TSPAN16: variants seen among roughly 807,000 people sequenced by gnomAD.
The protein encoded by TSPAN16 is tetraspanin 16.
In TSPAN16, 23 loss-of-function variants were observed where a neutral mutation model predicts 25.2. That is an observed-to-expected ratio of 0.91 (90% CI 0.66 to 1.29). The LOEUF is 1.29. Among genes scored for constraint, TSPAN16 ranks in the 50% most tolerant of loss-of-function variants. TSPAN16 has a pLI of 0.00. For synonymous variants in TSPAN16, 123 were observed against 124.4 expected, an observed-to-expected ratio of 0.99 and a Z score of 0.08; for missense variants, 272 against 299.9, an observed-to-expected ratio of 0.91 and a Z score of 0.69.
rs2080744188 is a variant in TSPAN16 at position 11,315,839 on chromosome 19, C to T, written c.*1C>T. ...GCTGCTGTTTATCAAGCTGGGCTGA[C>T]ACCCAGGCCTGGAGAAGATGAGACA... On this transcript the variant is annotated 3_prime_UTR_variant, in exon 7 of 7. Transcript: ENST00000590327. 1.6e-6 allele frequency: 2 copies of T among 1,231,944 alleles called. No individual in the cohort carries two copies. The highest frequency in any genetic ancestry group is 4.1e-5 in the South Asian group (1 of 24,310). 76.3% of individuals were successfully genotyped at this position (1,231,944 alleles called of 1,614,324 possible).
chr19:11,312,621 C>T (rs757355113), intron 6 of TSPAN16, among the ~76,000 whole-genome samples: 5 of 151,662 alleles, frequency 3.3e-5, no homozygotes, highest in Non-Finnish European at 5.9e-5. Flanking sequence ...GAAAATTATC[C>T]AGGTGTGGTG....
intron 4 of TSPAN16, among the ~76,000 whole-genome samples, chr19:11,303,376 G>A (rs375942585): frequency 1.0e-3 from 152 of 146,882 alleles, no homozygotes; most frequent in African/African-American, 3.2e-3. Context: ...GTTAAGAGTC[G>A]TCACCACTCC....
Position 11,315,788 on chromosome 19 carries a change from C to T in TSPAN16, c.688-3C>T. On this transcript the variant is annotated splice_region_variant and splice_polypyrimidine_tract_variant and intron_variant, in intron 6 of 6. Transcript: ENST00000590327. ...TCCATGTTTCTTTCTTCACGCATTTCAGTTGCCAGGAATTCTTGCCACTTT... is the reference window on the plus strand; with the variant it reads ...TCCATGTTTCTTTCTTCACGCATTTTAGTTGCCAGGAATTCTTGCCACTTT... The T allele has an allele frequency of 8.1e-7, 1 of 1,231,906 alleles. No individual in the cohort carries two copies. Among genetic ancestry groups the T allele is most frequent in the Non-Finnish European group, 1.0e-6 (1 of 987,830 alleles). The allele number at this position is 1,231,906 out of a possible 1,614,324, so 76.3% of individuals were successfully genotyped here. A position where few individuals can be genotyped will look rare whatever the true frequency, so the allele number is the denominator to read the frequency against.
At chr19:11,323,578 G>C (rs771375377) in intron 6 of TSPAN16, 4 of 152,000 alleles carry the variant, frequency 2.6e-5, no homozygotes, top group Non-Finnish European at 5.9e-5. Context: ...GCAATAGAGC[G>C]AGACTCTGTA....
chr19:11,317,714 C>T (rs1238138933), downstream of TSPAN16, among the ~76,000 whole-genome samples: 2 of 151,106 alleles, frequency 1.3e-5, no homozygotes, highest in African/African-American at 4.9e-5. Context: ...AGGATTGTCT[C>T]GAACTCCTGA....
At chr19:11,315,235 C>CAATAAT (rs58115943) in intron 6 of TSPAN16, among the ~76,000 whole-genome samples, 10,939 of 124,554 alleles carry the variant, frequency 0.088, 582 homozygotes, top group African/African-American at 0.14. Context: ...GACTCCTTCT[C>CAATAAT]AATAATAATA....
chr19:11,301,174 C>A, intron 3 of TSPAN16, 27 bp from the exon 4 acceptor site: 1 of 1,597,144 alleles, frequency 6.3e-7, no homozygotes, highest in Non-Finnish European at 8.6e-7. Context: ...AGTTGGGGTA[C>A]TGATCACTTC....
chr19:11,309,486 C>T (rs568485539), intron 5 of TSPAN16, among the ~76,000 whole-genome samples: 1 of 152,242 alleles, frequency 6.6e-6, no homozygotes, highest in Non-Finnish European at 1.5e-5. Flanking sequence ...GCCTCACCGC[C>T]TTTGCACAGG....
intron 6 of TSPAN16, among the ~76,000 whole-genome samples, chr19:11,313,665 C>A (rs1366389335): frequency 6.6e-6 from 1 of 152,036 alleles, no homozygotes; most frequent in Admixed American, 6.6e-5. Flanking sequence ...TACCACCCAT[C>A]ATTAATTAGG....
At chr19:11,300,330 C>T (rs2147936370) in intron 3 of TSPAN16, among the ~76,000 whole-genome samples, 1 of 152,286 alleles carries the variant, frequency 6.6e-6, no homozygotes, top group South Asian at 2.1e-4. Context: ...AGAACATGCA[C>T]CTAGGTTATT....
chr19:11,298,435 A>G, intron 2 of TSPAN16, 96 bp downstream of exon 2: 3 of 948,096 alleles, frequency 3.2e-6, no homozygotes, highest in Non-Finnish European at 4.6e-6. Context: ...GGTGTCACCT[A>G]TTTTTTTTTT....
chr19:11,311,938 G>A (rs950135248), intron 5 of TSPAN16, among the ~76,000 whole-genome samples: 7 of 152,168 alleles, frequency 4.6e-5, no homozygotes, highest in African/African-American at 1.7e-4. Context: ...GGGGGAATGA[G>A]GAGGACAGGG....
Position 11,298,180 on chromosome 19 carries a change from T to C in TSPAN16, c.108T>C (p.Gly36=), listed in dbSNP as rs959064006. ...GIILVGLGIG[G]KCGGASLTNV... is the part of the protein sequence containing the mutation. ...TCCTAGTTGGCCTGGGCATTGGTGG[T>C]AAATGTGGAGGGGCCTCTCTGACGA... The change falls in exon 2 of 7, where the codon GGT becomes GGC. Residue 36 remains glycine, a synonymous_variant. Coordinates refer to ENST00000590327, the MANE Select transcript of TSPAN16 (RefSeq NM_001282509.2). 1 of 1,614,192 alleles carries C rather than the reference T, an allele frequency of 6.2e-7. No homozygotes were observed. Among genetic ancestry groups the C allele is most frequent in the Non-Finnish European group, 8.5e-7 (1 of 1,180,028 alleles).
At chr19:11,326,219 T>TAAAA (rs57893701) in intron 6 of TSPAN16, among the ~76,000 whole-genome samples, 2 of 142,018 alleles carry the variant, frequency 1.4e-5, no homozygotes, top group African/African-American at 5.1e-5. Flanking sequence ...GAGATTCTAT[T>TAAAA]AAAAAAAAAA....
Position 11,315,450 on chromosome 19 carries a change from G to A in TSPAN16, c.688-341G>A, listed in dbSNP as rs750650138. Among the ~76,000 whole-genome samples, 149 of 150,940 alleles carry A rather than the reference G, an allele frequency of 9.9e-4. 1 individual carries two copies. Among genetic ancestry groups the A allele is most frequent in the Non-Finnish European group, 1.5e-3 (102 of 67,664 alleles). On this transcript the variant is annotated intron_variant, in intron 6 of 6. Transcript: ENST00000590327. ...CGGCCGCCTGTAGTCCCAGCTACTC[G>A]GGAGGCTGAGGCAGGAGAATGGCGT...
intron 6 of TSPAN16, among the ~76,000 whole-genome samples, chr19:11,321,131 T>C (rs976370182): frequency 6.0e-5 from 9 of 150,266 alleles, no homozygotes; most frequent in African/African-American, 2.2e-4. Flanking sequence ...ATGGCACCAC[T>C]GCACTCCAGC....
At chr19:11,304,230 C>T (rs912435879) in intron 4 of TSPAN16, among the ~76,000 whole-genome samples, 1 of 151,524 alleles carries the variant, frequency 6.6e-6, no homozygotes, top group Non-Finnish European at 1.5e-5. Flanking sequence ...AGGGAGGGTT[C>T]AAAGTGGGGA....
At chr19:11,321,432 C>T (rs1039169860) in intron 6 of TSPAN16, 2 of 152,156 alleles carry the variant, frequency 1.3e-5, no homozygotes, top group Non-Finnish European at 2.9e-5. Context: ...CAATGACCTC[C>T]ACCTGGTCTC....
downstream of TSPAN16, among the ~76,000 whole-genome samples, chr19:11,318,168 A>T (rs2080758544): frequency 6.6e-6 from 1 of 151,990 alleles, no homozygotes; most frequent in African/African-American, 2.4e-5. Flanking sequence ...CTGGGACTAC[A>T]GGCACCCGCT....
Sources: gnomAD v4.1 joint callset for allele counts (sites outside exome capture counted in the v4.1 genomes callset) on GRCh38, gnomAD v4.1.1 for gene constraint, MANE v1.5 for transcripts, NCBI Gene and HGNC (gene_info 2026-07-23, HGNC 2026-07-21) for gene names.